The following LRRC49 variants were observed in gnomAD, a reference collection of about 807,000 sequenced individuals.
The protein encoded by LRRC49 is leucine rich repeat containing 49, also known as leucine-rich repeat-containing protein 49.
In LRRC49, 50 loss-of-function variants were observed where a neutral mutation model predicts 83.3. The observed-to-expected ratio is 0.60, with a 90% CI of 0.48 to 0.76. LRRC49 has a LOEUF of 0.76. Among genes scored for constraint, LRRC49 ranks in the 30% least tolerant of loss-of-function variants. The probability of loss-of-function intolerance (pLI) is 0.00; values close to 1 mark genes in which losing one functional copy is unlikely to be tolerated. For missense variants in LRRC49, 704 were observed against 809.1 expected (o/e 0.87, Z 1.58); for synonymous variants, 286 against 283.3 (o/e 1.01, Z -0.10).
intron 1 of LRRC49, among the ~76,000 whole-genome samples, chr15:70,869,415 C>T (rs1013825870): frequency 2.6e-5 from 4 of 152,134 alleles, no homozygotes; most frequent in African/African-American, 4.8e-5. Context: ...ATGATCCCAC[C>T]CTTTCAGTGG....
intron 14 of LRRC49, among the ~76,000 whole-genome samples, 188 bp downstream of exon 14, chr15:71,013,101 T>C (rs1412384456): frequency 6.6e-6 from 1 of 152,192 alleles, no homozygotes; most frequent in African/African-American, 2.4e-5. Flanking sequence ...GCTTATAGTC[T>C]AATAAGTTAA....
At position 70,984,215 on chromosome 15, in the gene LRRC49, A is replaced by G; in HGVS notation, c.1127A>G (p.Gln376Arg). 1 of 1,613,226 alleles carries G rather than the reference A, an allele frequency of 6.2e-7. No individual in the cohort carries two copies. Among genetic ancestry groups the G allele is most frequent in the Non-Finnish European group, 8.5e-7 (1 of 1,179,458 alleles). The change falls in exon 11 of 16, where the codon CAG becomes CGG. Residue 376 changes from glutamine to arginine, a missense_variant. Gln to Arg is a conservative substitution (Grantham distance 43). Around this residue, in one of 3 missense-constraint regions of LRRC49, gnomAD observed 168 missense variants for 140.6 expected, o/e 1.20. Coordinates refer to ENST00000260382, the MANE Select transcript of LRRC49 (RefSeq NM_017691.5). ...KDSDSPQDPC[Q>R]IDGSTLSAFP... ...TCTGACTCTCCTCAGGACCCCTGTC[A>G]GATTGATGGAAGCACCCTCTCTGCA...
intron 1 of LRRC49, among the ~76,000 whole-genome samples, chr15:70,861,742 A>G (rs2032794788): frequency 6.6e-6 from 1 of 152,164 alleles, no homozygotes; most frequent in South Asian, 2.1e-4. Flanking sequence ...CAAACTGATG[A>G]GGAATGTCAC....
intron 7 of LRRC49, among the ~76,000 whole-genome samples, chr15:70,929,657 A>G (rs1443816710): frequency 6.6e-6 from 1 of 152,220 alleles, no homozygotes; most frequent in South Asian, 2.1e-4. Context: ...ACTTACAGTA[A>G]GACTTCTTTC....
intron 7 of LRRC49, among the ~76,000 whole-genome samples, chr15:70,931,801 C>G (rs1158869045): frequency 6.6e-6 from 1 of 152,078 alleles, no homozygotes; most frequent in African/African-American, 2.4e-5. Context: ...GTTGCAAAGC[C>G]TGAGTTGAAT....
intron 9 of LRRC49, among the ~76,000 whole-genome samples, chr15:70,979,386 TTGATG>T (rs760008912): frequency 2.0e-5 from 3 of 152,138 alleles, no homozygotes; most frequent in Admixed American, 6.6e-5. Flanking sequence ...GTGTGGTGAT[TTGATG>T]TGTATGATAA....
intron 14 of LRRC49, among the ~76,000 whole-genome samples, chr15:71,024,893 A>G (rs1301057935): frequency 6.6e-6 from 1 of 152,188 alleles, no homozygotes; most frequent in Non-Finnish European, 1.5e-5. Context: ...CAAGAACTTC[A>G]CAATGCAACC....
At chr15:71,047,575 T>G (rs1264638710) in intron 15 of LRRC49, among the ~76,000 whole-genome samples, 1 of 152,190 alleles carries the variant, frequency 6.6e-6, no homozygotes, top group Non-Finnish European at 1.5e-5. Context: ...TTGAGAGCCT[T>G]TTGGCAGAGT....
rs912379825 is a variant in LRRC49 at position 70,904,468 on chromosome 15, G to C, written c.297-84G>C. On this transcript the variant is annotated intron_variant, in intron 4 of 15. Coordinates refer to ENST00000260382, the MANE Select transcript of LRRC49 (RefSeq NM_017691.5). ...ATTTTTTTCTCCTCACAGAATGGGA[G>C]CACAAAGATACTACTAATAATATTT... 3.4e-5 allele frequency: 30 copies of C among 888,226 alleles called. No homozygotes were observed. The African/African-American group carries it at 4.2e-4, about 12-fold the overall frequency. The allele number at this position is 888,226 out of a possible 1,614,324, so 55.0% of individuals were successfully genotyped here.
chr15:70,901,655 T>G (rs1470140120), intron 4 of LRRC49, among the ~76,000 whole-genome samples: 1 of 152,202 alleles, frequency 6.6e-6, no homozygotes, highest in East Asian at 1.9e-4. Flanking sequence ...TCATTATTTT[T>G]CTTCTTAGCA....
rs917152667 is a variant in LRRC49, at chr15:70,854,237, GCGCCGCCGCCGC to G, written c.-299+785_-299+796del. The G allele has an allele frequency of 1.2e-3, 467 of 388,028 alleles. 7 individuals are homozygous for G. Among genetic ancestry groups the G allele is most frequent in the African/African-American group, 0.01 (452 of 45,078 alleles). The allele number at this position is 388,028 out of a possible 1,614,324, so 24.0% of individuals were successfully genotyped here. ...GACAGGGGTCGCGGCGCCCCGCCCC[GCGCCGCCGCCGC>G]CGCCGCCGCCGCCGCCACCACCCCG... On this transcript the variant is annotated intron_variant, in intron 1 of 16. Coordinates refer to the LRRC49 transcript ENST00000544974.
At chr15:70,994,914 C>T (rs920997742) in intron 11 of LRRC49, among the ~76,000 whole-genome samples, 2 of 152,148 alleles carry the variant, frequency 1.3e-5, no homozygotes, top group Non-Finnish European at 2.9e-5. Context: ...AAACAGGTCT[C>T]GTTTGATATC....
Position 71,053,024 on chromosome 15 carries a change from ATTAT to A in LRRC49, c.*3416_*3419del, listed in dbSNP as rs1245587732. The A allele has an allele frequency of 6.6e-6, 1 of 152,248 alleles. No homozygotes were observed. Among genetic ancestry groups the A allele is most frequent in the Non-Finnish European group, 1.5e-5 (1 of 68,050 alleles). The allele number at this position is 152,248 out of a possible 1,614,324, so 9.4% of individuals were successfully genotyped here. A position where few individuals can be genotyped will look rare whatever the true frequency, so the allele number is the denominator to read the frequency against. On this transcript the variant is annotated 3_prime_UTR_variant, in exon 16 of 16. Transcript: ENST00000260382. ...TAAGTACACATGTACAATATTGTGT[ATTAT>A]TTAAGGATATACATATTAAAGTGTA...
intron 14 of LRRC49, among the ~76,000 whole-genome samples, chr15:71,032,245 C>G (rs1037293912): frequency 4.6e-5 from 7 of 152,120 alleles, no homozygotes; most frequent in African/African-American, 1.7e-4. Context: ...ATCCCTGGCT[C>G]CTTGCACTTC....
At chr15:71,017,762 A>G (rs912831821) in intron 14 of LRRC49, among the ~76,000 whole-genome samples, 1 of 152,216 alleles carries the variant, frequency 6.6e-6, no homozygotes, top group Non-Finnish European at 1.5e-5. Flanking sequence ...GTAGAAGTGT[A>G]ACATGACTTT....
chr15:71,049,448 G>C lies in LRRC49; in HGVS notation c.1897G>C (p.Glu633Gln), dbSNP rs1246575846. 1 of 1,612,062 alleles carries C rather than the reference G, an allele frequency of 6.2e-7. No individual in the cohort carries two copies. The highest frequency in any genetic ancestry group is 8.5e-7 in the Non-Finnish European group (1 of 1,178,636). ...EKKKFCKTYIEDLVKEATEIN... is the reference protein window; with the variant it reads ...EKKKFCKTYIQDLVKEATEIN... ...GAAGAAATTCTGTAAAACATATATA[G>C]AAGACCTTGTGAAGGAAGCCACAGA... The change falls in exon 16 of 16, where the codon GAA becomes CAA. Residue 633 changes from glutamate (E) to glutamine (Q), a missense_variant. By Grantham distance (29) the Glu-to-Gln change is conservative (BLOSUM62 2). Around this residue, in one of 3 missense-constraint regions of LRRC49, gnomAD observed 275 missense variants for 338.0 expected, o/e 0.81. Transcript: ENST00000260382.
intron 11 of LRRC49, among the ~76,000 whole-genome samples, chr15:71,002,939 C>CTT (rs35998597): frequency 0.34 from 14,617 of 42,922 alleles, 6,235 homozygotes; most frequent in East Asian, 0.59. Flanking sequence ...ATTTTCTGGC[C>CTT]TTTTTTTTTT....
rs76721708 is a variant in LRRC49 at position 70,932,602 on chromosome 15, A to C, written c.712-4159A>C. On this transcript the variant is annotated intron_variant, in intron 7 of 15. Coordinates refer to ENST00000260382, the MANE Select transcript of LRRC49 (RefSeq NM_017691.5). Reference sequence around the variant, plus strand: ...CCTTGGTGCATGTCAAAATCTGTTCACCTTTCTTCTTCCTTATTCCTCTAG... The same window carrying C: ...CCTTGGTGCATGTCAAAATCTGTTCCCCTTTCTTCTTCCTTATTCCTCTAG... Among the ~76,000 whole-genome samples the C allele has an allele frequency of 5.1e-3, 777 of 152,012 alleles. 2 individuals carry two copies. Among genetic ancestry groups the C allele is most frequent in the African/African-American group, 0.018 (759 of 41,444 alleles).
intron 15 of LRRC49, among the ~76,000 whole-genome samples, chr15:71,046,126 CT>C (rs1324433279): frequency 6.6e-6 from 1 of 152,114 alleles, no homozygotes; most frequent in Non-Finnish European, 1.5e-5. Flanking sequence ...GGTTCTATGT[CT>C]TTGCTACTGT....
Sources: gnomAD v4.1 joint callset for allele counts (sites outside exome capture counted in the v4.1 genomes callset) on GRCh38, gnomAD v4.1.1 for gene constraint, gnomAD v4.1.1 regional missense constraint, MANE v1.5 for transcripts, NCBI Gene and HGNC (gene_info 2026-07-23, HGNC 2026-07-21) for gene names.